MYO5B: variants seen among roughly 807,000 people sequenced by gnomAD.
MYO5B encodes the protein myosin VB.
In MYO5B, 143 loss-of-function variants were observed where a neutral mutation model predicts 229.3. The observed-to-expected ratio is 0.62, with a 90% CI of 0.54 to 0.72. MYO5B has a LOEUF of 0.72. Ranked by LOEUF, MYO5B falls within the 30% of genes least tolerant of loss-of-function variation. The probability of loss-of-function intolerance (pLI) is 0.00; values close to 1 mark genes in which losing one functional copy is unlikely to be tolerated. For missense variants in MYO5B, 2,321 were observed against 2,331.0 expected, an observed-to-expected ratio of 1.00 and a Z score of 0.09; for synonymous variants, 918 against 885.2, an observed-to-expected ratio of 1.04 and a Z score of -0.66.
At chr18:50,172,373 G>A (rs1274970894) in intron 1 of MYO5B, among the ~76,000 whole-genome samples, 5 of 150,054 alleles carry the variant, frequency 3.3e-5, no homozygotes, top group Non-Finnish European at 5.9e-5. Flanking sequence ...TCTCTTATAC[G>A]ATGGCCCAGA....
chr18:50,159,718 G>A (rs893225975), intron 1 of MYO5B, among the ~76,000 whole-genome samples: 1 of 152,118 alleles, frequency 6.6e-6, no homozygotes, highest in African/African-American at 2.4e-5. Context: ...GATGCCCCAC[G>A]CCGCCAGCAA....
intron 17 of MYO5B, among the ~76,000 whole-genome samples, chr18:49,925,925 T>C (rs1449114857): frequency 2.0e-5 from 3 of 152,170 alleles, no homozygotes; most frequent in African/African-American, 4.8e-5. Context: ...AAGGCCAATG[T>C]AGGAGACTGC....
intron 8 of MYO5B, among the ~76,000 whole-genome samples, chr18:49,984,180 T>C (rs1455455814): frequency 6.6e-6 from 1 of 152,238 alleles, no homozygotes; most frequent in Non-Finnish European, 1.5e-5. Context: ...TGTCCCCTTA[T>C]GCCCCTGAAG....
rs1251532288 is a variant in MYO5B, at chr18:49,831,210, G to A, written c.5394+4134C>T. 2.6e-5 allele frequency among the ~76,000 whole-genome samples: 4 copies of A among 152,222 alleles called. 1 individual carries two copies. The highest frequency in any genetic ancestry group is 5.9e-5 in the Non-Finnish European group (4 of 68,002). On this transcript the variant is annotated intron_variant, in intron 39 of 39. Transcript: ENST00000285039. ...AAGCTCTTAGAAAACATAGGGGAAA[G>A]TATTTATGGTTCTTAAAAATGACAT...
intron 29 of MYO5B, among the ~76,000 whole-genome samples, chr18:49,859,938 AAC>A (rs1224059048): frequency 4.6e-5 from 7 of 152,196 alleles, no homozygotes; most frequent in Non-Finnish European, 7.3e-5. Context: ...TTCCTTGTCA[AAC>A]ACAGTCTCCG....
chr18:50,026,859 C>T (rs920542784), intron 4 of MYO5B, among the ~76,000 whole-genome samples: 1 of 152,188 alleles, frequency 6.6e-6, no homozygotes, highest in African/African-American at 2.4e-5. Flanking sequence ...CTTAGAGACA[C>T]AAACCCTGGT....
rs745379191 is a variant in MYO5B, at chr18:49,902,775, C to T, written c.2630G>A (p.Arg877His). The change falls in exon 21 of 40, where the codon CGC (arginine) becomes CAC (histidine). Residue 877 changes from arginine to histidine, a missense_variant. Arg to His is a conservative substitution (Grantham distance 29). Around this residue, in one of 2 missense-constraint regions of MYO5B, gnomAD observed 2,113 missense variants for 2,044.7 expected, o/e 1.03. Coordinates refer to ENST00000285039, the MANE Select transcript of MYO5B (RefSeq NM_001080467.3). ...IQKHVRGWMA[R>H]RHFQRLRDAA... Reference sequence around the variant, plus strand: ...ATCCCGCAGCCGCTGGAAGTGCCTGCGTGCCATCCAGCCCCGCACGTGCTT... The same window carrying T: ...ATCCCGCAGCCGCTGGAAGTGCCTGTGTGCCATCCAGCCCCGCACGTGCTT... 18 of 1,604,708 alleles carry T rather than the reference C, an allele frequency of 1.1e-5. No individual in the cohort carries two copies. Among genetic ancestry groups the T allele is most frequent in the Middle Eastern group, 1.6e-4 (1 of 6,084 alleles).
chr18:49,925,937 G>A (rs2025124288), intron 17 of MYO5B, among the ~76,000 whole-genome samples: 6 of 152,210 alleles, frequency 3.9e-5, no homozygotes, highest in Admixed American at 3.9e-4. Flanking sequence ...GGAGACTGCA[G>A]GGTAGACTGG....
chr18:49,886,114 A>T (rs2024639276), intron 22 of MYO5B, among the ~76,000 whole-genome samples: 1 of 151,950 alleles, frequency 6.6e-6, no homozygotes, highest in Non-Finnish European at 1.5e-5. Context: ...TAATTTTTGT[A>T]TTTTTAGTAT....
At chr18:50,152,811 T>C (rs532441247) in intron 1 of MYO5B, among the ~76,000 whole-genome samples, 1 of 149,750 alleles carries the variant, frequency 6.7e-6, no homozygotes, top group African/African-American at 2.5e-5. Flanking sequence ...ACAAAAACTA[T>C]GATTGTATAT....
At chr18:50,091,581 C>T (rs745652717) in intron 1 of MYO5B, among the ~76,000 whole-genome samples, 6 of 152,100 alleles carry the variant, frequency 3.9e-5, no homozygotes, top group Non-Finnish European at 7.3e-5. Context: ...CTGGTAGCCC[C>T]GAAACTTCAA....
At chr18:49,886,944 T>A (rs927870841) in intron 22 of MYO5B, among the ~76,000 whole-genome samples, 1 of 152,154 alleles carries the variant, frequency 6.6e-6, no homozygotes, top group Non-Finnish European at 1.5e-5. Context: ...TGGTAGTTGA[T>A]ATGGTTTGGA....
chr18:50,126,941 G>A (rs2032174012), intron 1 of MYO5B, among the ~76,000 whole-genome samples: 1 of 152,166 alleles, frequency 6.6e-6, no homozygotes, highest in African/African-American at 2.4e-5. Context: ...CAATTCATTG[G>A]TTAGTGTCAC....
chr18:50,009,003 G>GGA (rs1194568003), intron 4 of MYO5B, among the ~76,000 whole-genome samples: 1 of 152,168 alleles, frequency 6.6e-6, no homozygotes, highest in African/African-American at 2.4e-5. Flanking sequence ...TAAGTACCAT[G>GGA]GAGAGTATTA....
chr18:49,998,967 C>G (rs73442570), intron 5 of MYO5B, among the ~76,000 whole-genome samples: 1 of 152,162 alleles, frequency 6.6e-6, no homozygotes, highest in Non-Finnish European at 1.5e-5. Context: ...TGCCACTAAA[C>G]TGTACACTTA....
chr18:49,851,093 G>T (rs2024195316), intron 31 of MYO5B: 2 of 152,166 alleles, frequency 1.3e-5, no homozygotes, highest in South Asian at 4.1e-4. Flanking sequence ...ACCCTGGGAG[G>T]ACAGGCAATA....
intron 4 of MYO5B, among the ~76,000 whole-genome samples, chr18:50,010,931 C>T (rs2026154472): frequency 6.6e-6 from 1 of 152,174 alleles, no homozygotes; most frequent in Non-Finnish European, 1.5e-5. Flanking sequence ...TCCCTCATTC[C>T]AAAACCCATC....
intron 1 of MYO5B, among the ~76,000 whole-genome samples, chr18:50,134,504 G>A (rs1302885638): frequency 6.6e-6 from 1 of 151,800 alleles, no homozygotes; most frequent in African/African-American, 2.4e-5. Context: ...GCAGTGAGCC[G>A]AGATCGCGCC....
chr18:50,111,500 G>T (rs1161087681), intron 1 of MYO5B, among the ~76,000 whole-genome samples: 1 of 152,178 alleles, frequency 6.6e-6, no homozygotes, highest in Non-Finnish European at 1.5e-5. Context: ...TCTCCAGATT[G>T]TATCTCTCAT....
Sources: gnomAD v4.1 joint callset for allele counts (sites outside exome capture counted in the v4.1 genomes callset) on GRCh38, gnomAD v4.1.1 for gene constraint, gnomAD v4.1.1 regional missense constraint, MANE v1.5 for transcripts, NCBI Gene and HGNC (gene_info 2026-07-23, HGNC 2026-07-21) for gene names.